Variants in BRD3 observed in about 807,000 individuals in gnomAD.
The protein encoded by BRD3 is bromodomain-containing protein 3.
In BRD3, 17 loss-of-function variants were observed where a neutral mutation model predicts 66.8. The observed-to-expected ratio is 0.25, with a 90% CI of 0.17 to 0.38. The LOEUF is 0.38. Ranked by LOEUF, BRD3 falls within the 10% of genes least tolerant of loss-of-function variation. BRD3 has a pLI of 1.00. For synonymous variants in BRD3, 421 were observed against 393.2 expected (o/e 1.07, Z -0.84); for missense variants, 713 against 956.1 (o/e 0.75, Z 3.35).
chr9:134,051,884 T>G (rs58614784), intron 3 of BRD3, among the ~76,000 whole-genome samples, 175 bp from the exon 4 acceptor site: 40 of 58,634 alleles, frequency 6.8e-4, no homozygotes, highest in African/African-American at 2.6e-3. Flanking sequence ...TGTGTTGTTT[T>G]TTTTGTTTTT....
chr9:134,048,395 G>A lies in BRD3; in HGVS notation c.774C>T (p.Ala258=). The change falls in exon 6 of 12, where the codon GCC becomes GCT. Residue 258 remains alanine, a synonymous_variant. Transcript: ENST00000303407. ...ACGGCGGGGGCGACTCACTCCGGCTGGCAGTGATGGCCGACGTCGTGGGAG... is the reference window on the plus strand; with the variant it reads ...ACGGCGGGGGCGACTCACTCCGGCTAGCAGTGATGGCCGACGTCGTGGGAG... ...TTTPTTSAIT[A]SRSESPPPLS... The A allele has an allele frequency of 6.3e-7, 1 of 1,598,610 alleles. No individual in the cohort carries two copies. Among genetic ancestry groups the A allele is most frequent in the Non-Finnish European group, 8.5e-7 (1 of 1,179,882 alleles).
intron 3 of BRD3, 138 bp from the exon 4 acceptor site, chr9:134,051,847 A>ATATGTG (rs1554829351): frequency 2.0e-6 from 1 of 508,062 alleles, no homozygotes; most frequent in African/African-American, 3.3e-5. Context: ...AAATGAATAT[A>ATATGTG]TGTGTGTGTG....
rs201447346 is a variant in BRD3, at chr9:134,050,548, C to G, written c.540G>C (p.Ala180=). ...TGGGGGGCACGCTCTGAAAGGGGGT[C>G]GCTGGGGAGACAGAGGACACGGCCG... ...QVAAVSSVSP[A]TPFQSVPPTV... is the part of the protein sequence containing the mutation. The change falls in exon 5 of 12, where the codon GCG becomes GCC. Residue 180 remains alanine (A), a synonymous_variant. Coordinates refer to ENST00000303407, the MANE Select transcript of BRD3 (RefSeq NM_007371.4). The G allele has an allele frequency of 6.2e-7, 1 of 1,604,670 alleles. No individual in the cohort carries two copies. The highest frequency in any genetic ancestry group is 1.1e-5 in the South Asian group (1 of 89,978).
intron 4 of BRD3, 90 bp downstream of exon 4, chr9:134,051,472 C>T: frequency 7.4e-7 from 1 of 1,344,624 alleles, no homozygotes; most frequent in Non-Finnish European, 9.7e-7. Flanking sequence ...TGGGAAACAG[C>T]TCAGATGGCT....
chr9:134,047,608 C>G (rs1417514682), intron 6 of BRD3, among the ~76,000 whole-genome samples: 1 of 152,194 alleles, frequency 6.6e-6, no homozygotes, highest in African/African-American at 2.4e-5. Context: ...ACCCAGGTCC[C>G]GCTTCCGTCT....
At position 134,045,405 on chromosome 9, in the gene BRD3, C is replaced by T. The variant is rs766151887; in HGVS notation, c.1103G>A (p.Arg368Gln). ...LSTVKRKMDG[R>Q]EYPDAQGFAA... ...AAAGCCCTGTGCGTCTGGGTACTCT[C>T]GGCCATCCATCTTCCTCTGCAACAC... Residue 368 changes from arginine to glutamine, a missense_variant, in exon 7 of 12, where the codon CGA (arginine) becomes CAA (glutamine). Transcript: ENST00000303407. This position sits in a 1 kb window ranked among gnomAD's most constrained non-coding sequence, Gnocchi z 4.8. 4 of 1,613,574 alleles carry T rather than the reference C, an allele frequency of 2.5e-6. No individual in the cohort carries two copies. The highest frequency in any genetic ancestry group is 1.7e-5 in the Admixed American group (1 of 60,014).
At chr9:134,034,629 G>C in intron 11 of BRD3, 72 bp downstream of exon 11, 1 of 1,579,210 alleles carries the variant, frequency 6.3e-7, no homozygotes. Flanking sequence ...GGGCCTGCTC[G>C]ATGCTCAAAC....
intron 1 of BRD3, among the ~76,000 whole-genome samples, chr9:134,060,081 C>A (rs1830504974): frequency 6.6e-6 from 1 of 152,228 alleles, no homozygotes; most frequent in Admixed American, 6.5e-5. Context: ...CTCAGCTGCC[C>A]ACAAAGCCCA....
At chr9:134,061,193 G>C (rs1432516695) in intron 1 of BRD3, among the ~76,000 whole-genome samples, 13 of 152,352 alleles carry the variant, frequency 8.5e-5, no homozygotes, top group African/African-American at 3.1e-4. Context: ...ACTCCACAGA[G>C]GGAGGACAGA....
rs200849858 is a variant in BRD3 at position 134,051,721 on chromosome 9, G to C, written c.352-12C>G. On this transcript the variant is annotated splice_polypyrimidine_tract_variant and intron_variant, in intron 3 of 11. Transcript: ENST00000303407. ...ATGTCATCTGTGGGCTGAAGACACAGAGAGTCCAGGTCACGTGTCAGGAAA... is the reference window on the plus strand; with the variant it reads ...ATGTCATCTGTGGGCTGAAGACACACAGAGTCCAGGTCACGTGTCAGGAAA... 4.4e-6 allele frequency: 7 copies of C among 1,590,982 alleles called. No homozygotes were observed. Among genetic ancestry groups the C allele is most frequent in the South Asian group, 1.2e-5 (1 of 86,176 alleles).
At chr9:134,064,117 G>A (rs1446966367) in intron 1 of BRD3, among the ~76,000 whole-genome samples, 3 of 152,204 alleles carry the variant, frequency 2.0e-5, no homozygotes, top group African/African-American at 4.8e-5. Flanking sequence ...AACAGGGTCC[G>A]AGCCTCCAGC....
At chr9:134,059,246 C>T (rs1005617829) in intron 1 of BRD3, among the ~76,000 whole-genome samples, 4 of 152,236 alleles carry the variant, frequency 2.6e-5, no homozygotes, top group African/African-American at 9.6e-5. Context: ...GGGTGCACCT[C>T]CCTTCTCCCC....
At chr9:134,036,471 A>G in intron 9 of BRD3, 147 bp from the exon 10 acceptor site, 2 of 1,576,148 alleles carry the variant, frequency 1.3e-6, no homozygotes, top group South Asian at 2.3e-5. Context: ...AGAAAATCCA[A>G]GGTTAGAAAA....
intron 1 of BRD3, among the ~76,000 whole-genome samples, chr9:134,059,373 G>T (rs1377833032): frequency 1.3e-5 from 2 of 152,344 alleles, no homozygotes; most frequent in East Asian, 3.9e-4. Context: ...TGGGGAATAA[G>T]CCGACGGGAC....
chr9:134,062,232 T>G (rs1830558640), intron 1 of BRD3, among the ~76,000 whole-genome samples: 1 of 152,128 alleles, frequency 6.6e-6, no homozygotes, highest in African/African-American at 2.4e-5. Context: ...GAGCCCCCCA[T>G]GCACAGCGCA....
intron 1 of BRD3, 160 bp from the exon 2 acceptor site, chr9:134,053,750 G>C (rs901040979): frequency 1.7e-6 from 1 of 600,078 alleles, no homozygotes; most frequent in Non-Finnish European, 2.7e-6. Context: ...GAGGCTGTCG[G>C]GAAAGCTGCT....
Position 134,053,335 on chromosome 9 carries a change from T to A in BRD3, c.143A>T (p.Lys48Met). The A allele has an allele frequency of 1.2e-6, 2 of 1,613,724 alleles. No individual in the cohort carries two copies. The highest frequency in any genetic ancestry group is 1.7e-6 in the Non-Finnish European group (2 of 1,180,008). ...QLQYMQNVVV[K>M]TLWKHQFAWP... The stretch of plus-strand genomic sequence containing the variant: ...GGCGAACTGGTGTTTCCAGAGCGTC[T>A]TCACCACCACATTCTGCATGTACTG... The change falls in exon 2 of 12, where the codon AAG becomes ATG. Residue 48 changes from lysine to methionine, a missense_variant. Lys to Met is a moderately conservative substitution (Grantham distance 95). This residue lies in a region of BRD3 where 85 missense variants were observed against 152.4 expected (regional missense o/e 0.56). Coordinates refer to ENST00000303407, the MANE Select transcript of BRD3 (RefSeq NM_007371.4).
chr9:134,049,430 C>T (rs887244271), intron 5 of BRD3, among the ~76,000 whole-genome samples: 4 of 152,252 alleles, frequency 2.6e-5, no homozygotes, highest in Non-Finnish European at 4.4e-5. Flanking sequence ...GCCAAGCCGC[C>T]GCCCTCAGAC....
chr9:134,042,864 G>C (rs534169301), intron 7 of BRD3, among the ~76,000 whole-genome samples: 8 of 146,384 alleles, frequency 5.5e-5, no homozygotes, highest in Non-Finnish European at 1.0e-4. Flanking sequence ...TCTCAAGACA[G>C]AGTCTTGCTC....
Sources: gnomAD v4.1 joint callset for allele counts (sites outside exome capture counted in the v4.1 genomes callset) on GRCh38, gnomAD v4.1.1 for gene constraint, gnomAD v4.1.1 regional missense constraint, Gnocchi (gnomAD v3.1) non-coding constraint, MANE v1.5 for transcripts, NCBI Gene and HGNC (gene_info 2026-07-23, HGNC 2026-07-21) for gene names.